The following SMIM18 variants were observed in gnomAD, a reference collection of about 807,000 sequenced individuals.
SMIM18 encodes the protein small integral membrane protein 18.
SMIM18 carries 4 observed loss-of-function variants against 5.9 expected under a neutral mutation model. The ratio of observed to expected loss-of-function variants is 0.68; its 90% CI spans 0.33 to 1.56. The LOEUF is 1.56. SMIM18 is among the 40% of genes most tolerant of loss of function. The probability of loss-of-function intolerance (pLI) is 0.06; values close to 1 mark genes in which losing one functional copy is unlikely to be tolerated. For missense variants in SMIM18, 89 were observed against 109.7 expected (o/e 0.81, Z 0.84); for synonymous variants, 37 against 37.4 (o/e 0.99, Z 0.04).
chr8:30,642,619 A>G (rs1269452511), intron 1 of SMIM18, among the ~76,000 whole-genome samples: 1 of 150,884 alleles, frequency 6.6e-6, no homozygotes, highest in East Asian at 1.9e-4. Context: ...AATTTCTTGT[A>G]GGTCTTTCTA....
chr8:30,638,735 CCTA>C (rs1801696925), intron 1 of SMIM18, 96 bp downstream of exon 1: 1 of 152,458 alleles, frequency 6.6e-6, no homozygotes, highest in East Asian at 1.9e-4. Context: ...AAGCTTTGCT[CCTA>C]CTAAATATCA....
intron 1 of SMIM18, among the ~76,000 whole-genome samples, chr8:30,643,097 A>G (rs1801909509): frequency 6.6e-6 from 1 of 152,174 alleles, no homozygotes; most frequent in African/African-American, 2.4e-5. Flanking sequence ...GAAAACAAAA[A>G]CCTTAGAAAA....
At chr8:30,639,335 C>T (rs965261696) in intron 1 of SMIM18, among the ~76,000 whole-genome samples, 2 of 152,082 alleles carry the variant, frequency 1.3e-5, no homozygotes, top group Non-Finnish European at 2.9e-5. Flanking sequence ...ATTTCTCTCT[C>T]GTAATATAAA....
In SMIM18 at chr8:30,645,381, T is replaced by C; in HGVS notation, c.72T>C (p.Ile24=). 1 of 1,535,730 alleles carries C rather than the reference T, an allele frequency of 6.5e-7. No individual in the cohort carries two copies. The highest frequency in any genetic ancestry group is 1.2e-5 in the South Asian group (1 of 84,070). The change falls in exon 3 of 3, where the codon ATT becomes ATC. Residue 24 remains isoleucine (I), a synonymous_variant. Transcript: ENST00000517349. ...YQYLGFQVQK[I]YPFHDNWNTA... ...ACCTTGGTTTTCAAGTTCAAAAAAT[T>C]TACCCTTTCCATGACAACTGGAACA...
intron 1 of SMIM18, among the ~76,000 whole-genome samples, chr8:30,640,893 C>G (rs1028815674): frequency 6.6e-6 from 1 of 152,172 alleles, no homozygotes; most frequent in Non-Finnish European, 1.5e-5. Context: ...TTAGCAGAGA[C>G]GGAGTTTCGC....
intron 1 of SMIM18, among the ~76,000 whole-genome samples, chr8:30,642,496 T>C (rs1046449253): frequency 6.6e-6 from 1 of 152,170 alleles, no homozygotes; most frequent in African/African-American, 2.4e-5. Flanking sequence ...AAATAATATA[T>C]TTAAATTGTT....
chr8:30,639,767 G>GA (rs1563504062), intron 1 of SMIM18, among the ~76,000 whole-genome samples: 1 of 147,458 alleles, frequency 6.8e-6, no homozygotes, highest in Non-Finnish European at 1.5e-5. Context: ...AAGGGTTTTT[G>GA]TTTTTTTTTT....
At chr8:30,642,759 A>T (rs1801894902) in intron 1 of SMIM18, among the ~76,000 whole-genome samples, 1 of 152,224 alleles carries the variant, frequency 6.6e-6, no homozygotes, top group African/African-American at 2.4e-5. Context: ...GTTACCTATG[A>T]TTCAATTGTG....
At chr8:30,642,264 G>A (rs1156541899) in intron 1 of SMIM18, among the ~76,000 whole-genome samples, 3 of 136,154 alleles carry the variant, frequency 2.2e-5, no homozygotes, top group East Asian at 2.1e-4. Context: ...AGCACAAAGG[G>A]ATTTTATCTT....
At position 30,645,227 on chromosome 8, in the gene SMIM18, G is replaced by A. The variant is rs1031338707; in HGVS notation, c.-29-54G>A. On this transcript the variant is annotated intron_variant, in intron 2 of 2. Coordinates refer to ENST00000517349, the MANE Select transcript of SMIM18 (RefSeq NM_001206847.2). ...CTAAGAAATCTTAGTACTGAGATTT[G>A]AATTAACAGATCTGTAGTTTGCTAC... 11 of 1,350,200 alleles carry A rather than the reference G, an allele frequency of 8.1e-6. No homozygotes were observed. In the South Asian group the frequency reaches 1.4e-4, roughly 17 times the overall value. The allele number at this position is 1,350,200 out of a possible 1,614,324, so 83.6% of individuals were successfully genotyped here.
At chr8:30,639,481 A>G (rs1801732553) in intron 1 of SMIM18, among the ~76,000 whole-genome samples, 1 of 152,170 alleles carries the variant, frequency 6.6e-6, no homozygotes, top group African/African-American at 2.4e-5. Context: ...CTTTTGATAA[A>G]CTGCATTTTA....
chr8:30,642,600 A>G (rs1337587406), intron 1 of SMIM18, among the ~76,000 whole-genome samples: 3 of 152,184 alleles, frequency 2.0e-5, no homozygotes, highest in Non-Finnish European at 4.4e-5. Flanking sequence ...CCACACCATC[A>G]TTGTGATTAA....
In SMIM18 at chr8:30,645,675, T is replaced by G; in HGVS notation, c.*78T>G. 1.4e-6 allele frequency: 2 copies of G among 1,383,716 alleles called. No homozygotes were observed. Among genetic ancestry groups the G allele is most frequent in the Non-Finnish European group, 1.9e-6 (2 of 1,045,266 alleles). The allele number at this position is 1,383,716 out of a possible 1,614,324, so 85.7% of individuals were successfully genotyped here. A position where few individuals can be genotyped will look rare whatever the true frequency, so the allele number is the denominator to read the frequency against. On this transcript the variant is annotated 3_prime_UTR_variant, in exon 3 of 3. Coordinates refer to ENST00000517349, the MANE Select transcript of SMIM18 (RefSeq NM_001206847.2). ...AAAAAAAATATATTCTGAGGCCAAC[T>G]GTTGCTACAAAACAAATTCTGACTG...
intron 1 of SMIM18, among the ~76,000 whole-genome samples, chr8:30,642,537 A>T (rs1363502376): frequency 3.9e-5 from 6 of 152,214 alleles, no homozygotes; most frequent in Admixed American, 2.6e-4. Context: ...GGTACAGGTT[A>T]AGAAGCCTCA....
chr8:30,639,821 C>A (rs867747679), intron 1 of SMIM18, among the ~76,000 whole-genome samples: 13 of 151,602 alleles, frequency 8.6e-5, no homozygotes, highest in Middle Eastern at 3.4e-3. Context: ...TTCAGCTAGC[C>A]TGAGCAAAGT....
chr8:30,639,898 G>T (rs62505311), intron 1 of SMIM18, among the ~76,000 whole-genome samples: 131 of 151,782 alleles, frequency 8.6e-4, no homozygotes, highest in Non-Finnish European at 1.7e-3. Context: ...GCACAGTGGG[G>T]TTAATTATCT....
chr8:30,641,545 A>C (rs1801831117), intron 1 of SMIM18, among the ~76,000 whole-genome samples: 1 of 152,016 alleles, frequency 6.6e-6, no homozygotes, highest in Admixed American at 6.5e-5. Context: ...ATTTTTGTAG[A>C]GACAGGGCCT....
intron 1 of SMIM18, among the ~76,000 whole-genome samples, chr8:30,642,129 T>G (rs758424045): frequency 9.2e-5 from 14 of 152,218 alleles, no homozygotes; most frequent in Non-Finnish European, 2.1e-4. Context: ...AAAGTAAGTT[T>G]ATTAAGAAAG....
chr8:30,643,642 A>G (rs1355229841), intron 1 of SMIM18: 1 of 141,122 alleles, frequency 7.1e-6, no homozygotes, highest in Non-Finnish European at 1.5e-5. Flanking sequence ...CCTGGGCAAC[A>G]GAGCAAGACT....
Sources: gnomAD v4.1 joint callset for allele counts (sites outside exome capture counted in the v4.1 genomes callset) on GRCh38, gnomAD v4.1.1 for gene constraint, MANE v1.5 for transcripts, NCBI Gene and HGNC (gene_info 2026-07-23, HGNC 2026-07-21) for gene names.